The following HEXB variants were observed in gnomAD, a reference collection of about 807,000 sequenced individuals.
HEXB encodes beta-hexosaminidase subunit beta.
In HEXB, 51 loss-of-function variants were observed where a neutral mutation model predicts 71.2. That is an observed-to-expected ratio of 0.72 (90% CI 0.57 to 0.90). HEXB has a LOEUF of 0.90. Ranked by LOEUF, HEXB falls within the 40% of genes least tolerant of loss-of-function variation. The pLI is 0.00. For synonymous variants in HEXB, 266 were observed against 249.3 expected (o/e 1.07, Z -0.63); for missense variants, 617 against 677.0 (o/e 0.91, Z 0.98).
At chr5:74,668,210 T>G (rs1214696201) in intron 1 of HEXB, among the ~76,000 whole-genome samples, 16 of 78,972 alleles carry the variant, frequency 2.0e-4, no homozygotes, top group Admixed American at 1.7e-3. Flanking sequence ...TTTTATTTTG[T>G]TTTTTTGTTT....
In HEXB at chr5:74,721,179, A is replaced by T. The variant is rs755860458; in HGVS notation, c.*4A>T. On this transcript the variant is annotated 3_prime_UTR_variant, in exon 14 of 14. Transcript: ENST00000261416. The stretch of plus-strand genomic sequence containing the variant: ...TTGTAACCATGAGAACATGTAAAAA[A>T]TGGAGGGGAAAAAGGCCACAGCAAT... The T allele has an allele frequency of 8.7e-6, 14 of 1,611,572 alleles. No individual in the cohort carries two copies. The highest frequency in any genetic ancestry group is 1.3e-5 in the African/African-American group (1 of 74,858).
rs1749127843 is a variant in HEXB at position 74,697,004 on chromosome 5, CAATG to C, written c.571_574del (p.Glu191ProfsTer15). ...ATTTTATTTTGTCATAGTTCACCAT[CAATG>C]AATCCACCATTATTGATTCTCCAAG... On this transcript the variant is annotated frameshift_variant, in exon 5 of 14. Coordinates refer to ENST00000261416, the MANE Select transcript of HEXB (RefSeq NM_000521.4). LOFTEE classifies it high-confidence loss of function. The C allele has an allele frequency of 2.0e-6, 3 of 1,538,338 alleles. No individual in the cohort carries two copies. Among genetic ancestry groups the C allele is most frequent in the Non-Finnish European group, 2.7e-6 (3 of 1,112,664 alleles).
intron 6 of HEXB, among the ~76,000 whole-genome samples, chr5:74,712,350 C>T (rs1214042265): frequency 2.7e-5 from 4 of 150,658 alleles, no homozygotes; most frequent in African/African-American, 9.8e-5. Context: ...TTAGTGGGTG[C>T]AGCGCACCAG....
chr5:74,676,600 T>C (rs943205575), intron 1 of HEXB, among the ~76,000 whole-genome samples: 1 of 152,122 alleles, frequency 6.6e-6, no homozygotes, highest in Non-Finnish European at 1.5e-5. Context: ...ACCCTGACTG[T>C]AGTAAAAATA....
At chr5:74,694,236 A>G (rs1165410877) in intron 3 of HEXB, among the ~76,000 whole-genome samples, 1 of 152,208 alleles carries the variant, frequency 6.6e-6, no homozygotes, top group Non-Finnish European at 1.5e-5. Flanking sequence ...AGGTTATTAC[A>G]TTCCTGCAGT....
At chr5:74,670,489 G>A (rs548558265) in intron 1 of HEXB, among the ~76,000 whole-genome samples, 19 of 152,212 alleles carry the variant, frequency 1.2e-4, no homozygotes, top group African/African-American at 2.2e-4. Context: ...CACCAAATGC[G>A]AATACACAGA....
At chr5:74,675,544 G>C (rs1257356850) in intron 1 of HEXB, among the ~76,000 whole-genome samples, 6 of 152,164 alleles carry the variant, frequency 3.9e-5, no homozygotes, top group Non-Finnish European at 8.8e-5. Context: ...TGAGGGAGGA[G>C]AAAGCTCAGT....
chr5:74,705,428 C>G, intron 6 of HEXB, 108 bp downstream of exon 6: 1 of 757,362 alleles, frequency 1.3e-6, no homozygotes, highest in Non-Finnish European at 2.3e-6. Context: ...GTGTAAAAAT[C>G]AGATGTTTAT....
intron 12 of HEXB, 45 bp from the exon 13 acceptor site, chr5:74,720,598 A>AT (rs770415277): frequency 6.2e-7 from 1 of 1,602,386 alleles, no homozygotes; most frequent in African/African-American, 1.3e-5. Flanking sequence ...AGTGCTAAAC[A>AT]TAAATTTAAA....
intron 1 of HEXB, among the ~76,000 whole-genome samples, chr5:74,667,694 G>A (rs762312176): frequency 6.6e-6 from 1 of 152,076 alleles, no homozygotes; most frequent in Non-Finnish European, 1.5e-5. Context: ...CAGCAGGGCT[G>A]GTACAGTCTT....
intron 10 of HEXB, 28 bp downstream of exon 10, chr5:74,718,391 C>T (rs1185937286): frequency 6.7e-7 from 1 of 1,482,280 alleles, no homozygotes; most frequent in Admixed American, 1.7e-5. Flanking sequence ...TGCATCTGAT[C>T]AATATAAGAG....
chr5:74,708,704 C>T (rs1580391732), intron 6 of HEXB, among the ~76,000 whole-genome samples: 1 of 151,956 alleles, frequency 6.6e-6, no homozygotes, highest in East Asian at 1.9e-4. Context: ...AAGGCCATTA[C>T]ATAATGGTAA....
intron 5 of HEXB, among the ~76,000 whole-genome samples, chr5:74,703,720 C>T (rs1277967133): frequency 6.6e-6 from 1 of 152,172 alleles, no homozygotes; most frequent in Non-Finnish European, 1.5e-5. Context: ...GGCTGGAGTG[C>T]AGAGGTATGA....
intron 1 of HEXB, among the ~76,000 whole-genome samples, chr5:74,669,639 C>A (rs1241011092): frequency 6.6e-6 from 1 of 152,060 alleles, no homozygotes; most frequent in Non-Finnish European, 1.5e-5. Flanking sequence ...TTTGCCTCTT[C>A]TTAAACCAGC....
chr5:74,707,831 AAAG>A lies in HEXB; in HGVS notation c.771+2512_771+2514del, dbSNP rs1241079339. Among the ~76,000 whole-genome samples the A allele has an allele frequency of 5.9e-5, 9 of 152,214 alleles. No homozygotes were observed. In the South Asian group the frequency reaches 6.2e-4, roughly 11 times the overall value. On this transcript the variant is annotated intron_variant, in intron 6 of 13. Coordinates refer to ENST00000261416, the MANE Select transcript of HEXB (RefSeq NM_000521.4). ...CATCTGATTGGTGTACCTGAAAGTG[AAAG>A]TGACGGGGAGAATGGAACCAAGTCC...
intron 1 of HEXB, among the ~76,000 whole-genome samples, chr5:74,688,430 G>A (rs1748921894): frequency 6.6e-6 from 1 of 151,934 alleles, no homozygotes; most frequent in African/African-American, 2.4e-5. Context: ...CACCTCCCGG[G>A]TCCAAGCAGT....
chr5:74,657,045 T>A (rs1748233088), intron 1 of HEXB, among the ~76,000 whole-genome samples: 1 of 152,192 alleles, frequency 6.6e-6, no homozygotes. Flanking sequence ...CCCTTTAGCC[T>A]CTCAGCTCCC....
Position 74,660,756 on chromosome 5 carries a change from G to A in HEXB, c.-377+20198G>A, listed in dbSNP as rs142948440. Reference sequence around the variant, plus strand: ...GTAAAATCATATTTTGATTACCACTGGAAAAAAAACATAAAAAATGTTCTA... The same window carrying A: ...GTAAAATCATATTTTGATTACCACTAGAAAAAAAACATAAAAAATGTTCTA... On this transcript the variant is annotated intron_variant, in intron 1 of 13. Coordinates refer to the HEXB transcript ENST00000511181. Among the ~76,000 whole-genome samples the A allele has an allele frequency of 6.3e-3, 965 of 152,068 alleles. 11 individuals carry two copies. The highest frequency in any genetic ancestry group is 0.023 in the African/African-American group (933 of 41,464).
intron 6 of HEXB, among the ~76,000 whole-genome samples, chr5:74,708,524 G>C (rs572203308): frequency 1.3e-5 from 2 of 151,762 alleles, no homozygotes; most frequent in African/African-American, 4.8e-5. Flanking sequence ...AGACCCATCA[G>C]TGTGTTGGAT....
Sources: allele counts gnomAD v4.1 joint callset (sites outside exome capture counted in the v4.1 genomes callset), GRCh38; gene constraint gnomAD v4.1.1; transcripts MANE v1.5; gene names NCBI Gene and HGNC (gene_info 2026-07-23, HGNC 2026-07-21).